Variants in SLC4A4 observed in about 807,000 individuals in gnomAD.
The protein encoded by SLC4A4 is electrogenic sodium bicarbonate cotransporter 1.
Under a neutral mutation model 111.5 loss-of-function variants are expected in SLC4A4, and 27 were observed. The ratio of observed to expected loss-of-function variants is 0.24; its 90% CI spans 0.18 to 0.33. The LOEUF is 0.33. Ranked by LOEUF, SLC4A4 falls within the 10% of genes least tolerant of loss-of-function variation. SLC4A4 has a pLI of 1.00. For missense variants in SLC4A4, 909 were observed against 1,315.5 expected, an observed-to-expected ratio of 0.69 and a Z score of 4.78; for synonymous variants, 443 against 463.4, an observed-to-expected ratio of 0.96 and a Z score of 0.57.
chr4:71,267,482 A>G (rs1417068508), intron 3 of SLC4A4, among the ~76,000 whole-genome samples: 5 of 152,216 alleles, frequency 3.3e-5, no homozygotes, highest in Admixed American at 3.3e-4. Flanking sequence ...ACACTGACCA[A>G]GTATGTGAGG....
At chr4:71,088,173 C>G (rs1742249460) in intron 1 of SLC4A4, among the ~76,000 whole-genome samples, 1 of 151,578 alleles carries the variant, frequency 6.6e-6, no homozygotes, top group South Asian at 2.1e-4. Flanking sequence ...CCTTCTTTGT[C>G]TCTTTTGATC....
intron 2 of SLC4A4, among the ~76,000 whole-genome samples, chr4:71,123,376 A>G (rs913290792): frequency 6.6e-6 from 1 of 152,138 alleles, no homozygotes; most frequent in Non-Finnish European, 1.5e-5. Flanking sequence ...ATGAAGAAAA[A>G]CTCAGCATTG....
intron 2 of SLC4A4, among the ~76,000 whole-genome samples, chr4:71,120,441 A>C (rs1743382168): frequency 1.3e-5 from 2 of 152,138 alleles, no homozygotes; most frequent in African/African-American, 4.8e-5. Context: ...CTTTGATTTT[A>C]TTCTCCTGGG....
At chr4:71,386,266 C>G (rs1412957695) in intron 6 of SLC4A4, among the ~76,000 whole-genome samples, 1 of 152,060 alleles carries the variant, frequency 6.6e-6, no homozygotes, top group Non-Finnish European at 1.5e-5. Flanking sequence ...AATGATTCAT[C>G]TGCATACAGG....
In SLC4A4 at chr4:71,521,564, T is replaced by C. The variant is rs188587682; in HGVS notation, c.2167-10498T>C. ...AAAATTTTAAGTCATATTTGGTGTA[T>C]GAGTCAAGATCCCAGCAGGAAGCAA... On this transcript the variant is annotated intron_variant, in intron 16 of 25. Coordinates refer to ENST00000264485, the MANE Select transcript of SLC4A4 (RefSeq NM_001098484.3). 2.9e-4 allele frequency among the ~76,000 whole-genome samples: 44 copies of C among 152,250 alleles called. 1 individual carries two copies. In the East Asian group the frequency reaches 8.1e-3, roughly 28 times the overall value.
At chr4:71,430,764 T>C (rs934822903) in intron 7 of SLC4A4, among the ~76,000 whole-genome samples, 5 of 152,130 alleles carry the variant, frequency 3.3e-5, no homozygotes, top group African/African-American at 1.2e-4. Flanking sequence ...GTGTGGACAG[T>C]CCTGTGCCCT....
intron 2 of SLC4A4, among the ~76,000 whole-genome samples, chr4:71,180,094 A>C (rs1745238890): frequency 6.6e-6 from 1 of 152,264 alleles, no homozygotes; most frequent in Non-Finnish European, 1.5e-5. Context: ...AAAAACAAGA[A>C]TGGGGAAAGG....
chr4:71,511,433 G>A (rs1479857035), intron 16 of SLC4A4, among the ~76,000 whole-genome samples: 1 of 151,728 alleles, frequency 6.6e-6, no homozygotes, highest in Admixed American at 6.6e-5. Context: ...TTGGAGATTT[G>A]TCTTTTATTT....
rs781186518 is a variant in SLC4A4, at chr4:71,472,850, A to T, written c.1783A>T (p.Ile595Phe). ...EEGFSSLISF[I>F]FIYDAFKKMI... ...GGGCTTTTCCTCTCTGATTAGCTTC[A>T]TCTTTATCTATGATGCTTTCAAGAA... The change falls in exon 14 of 26, where the codon ATC (isoleucine) becomes TTC (phenylalanine). Residue 595 changes from isoleucine (I) to phenylalanine (F), a missense_variant. Coordinates refer to ENST00000264485, the MANE Select transcript of SLC4A4 (RefSeq NM_001098484.3). 6.2e-6 allele frequency: 10 copies of T among 1,612,902 alleles called. No individual in the cohort carries two copies. In the Admixed American group the frequency reaches 1.3e-4, roughly 22 times the overall value.
chr4:71,500,201 A>T (rs1485876301), intron 16 of SLC4A4, among the ~76,000 whole-genome samples: 2 of 151,918 alleles, frequency 1.3e-5, no homozygotes, highest in African/African-American at 4.8e-5. Context: ...TTTTTCATTT[A>T]TCTTTTGGCC....
intron 7 of SLC4A4, among the ~76,000 whole-genome samples, chr4:71,424,144 A>G (rs1722844857): frequency 6.6e-6 from 1 of 152,150 alleles, no homozygotes; most frequent in South Asian, 2.1e-4. Flanking sequence ...CAAATTTACA[A>G]GAAAAAACAA....
At chr4:71,228,301 A>G (rs1719179578) in intron 1 of SLC4A4, among the ~76,000 whole-genome samples, 1 of 152,178 alleles carries the variant, frequency 6.6e-6, no homozygotes, top group South Asian at 2.1e-4. Context: ...ATGGAAAGGG[A>G]GAGTTTGATC....
chr4:71,070,446 AT>A (rs1459410024), intron 1 of SLC4A4, among the ~76,000 whole-genome samples: 2 of 152,174 alleles, frequency 1.3e-5, no homozygotes, highest in Non-Finnish European at 2.9e-5. Context: ...AGGCTTCTTG[AT>A]GAAAGCAATG....
At position 71,088,508 on chromosome 4, in the gene SLC4A4, T is replaced by G. The variant is rs1339325156; in HGVS notation, c.-64-4222T>G. 2.0e-5 allele frequency among the ~76,000 whole-genome samples: 3 copies of G among 152,228 alleles called. No homozygotes were observed. In the East Asian group the frequency reaches 5.8e-4, roughly 29 times the overall value. ...CAGTTTCTTCCTAGCCTTAATGGTCTTTACAATTTGGCATGTTTTTGCAGT... is the reference window on the plus strand; with the variant it reads ...CAGTTTCTTCCTAGCCTTAATGGTCGTTACAATTTGGCATGTTTTTGCAGT... On this transcript the variant is annotated intron_variant, in intron 1 of 26. Coordinates refer to the SLC4A4 transcript ENST00000649996.
chr4:71,371,706 T>C (rs1731900538), intron 6 of SLC4A4, among the ~76,000 whole-genome samples: 2 of 152,184 alleles, frequency 1.3e-5, no homozygotes, highest in Admixed American at 6.5e-5. Context: ...TTACCATATA[T>C]TGTCTTACGT....
At chr4:71,184,698 T>C (rs1179762083), upstream of SLC4A4, among the ~76,000 whole-genome samples, 1 of 152,160 alleles carries the variant, frequency 6.6e-6, no homozygotes, top group African/African-American at 2.4e-5. Flanking sequence ...TCAAGAGACA[T>C]GGCACAAGTT....
intron 1 of SLC4A4, among the ~76,000 whole-genome samples, chr4:71,064,744 G>A (rs1192813644): frequency 6.6e-6 from 1 of 152,156 alleles, no homozygotes; most frequent in Non-Finnish European, 1.5e-5. Flanking sequence ...GTGGTTCATG[G>A]ACATGGAACA....
chr4:71,071,888 G>A (rs1439017935), intron 1 of SLC4A4, among the ~76,000 whole-genome samples: 1 of 152,152 alleles, frequency 6.6e-6, no homozygotes, highest in East Asian at 1.9e-4. Context: ...GTCAATAGAT[G>A]TATGAAATAA....
At chr4:71,445,383 A>G (rs1725132688) in intron 8 of SLC4A4, among the ~76,000 whole-genome samples, 1 of 152,152 alleles carries the variant, frequency 6.6e-6, no homozygotes. Context: ...TAATTAACTC[A>G]TTATCAGTGT....
Sources: gnomAD v4.1 joint callset for allele counts (sites outside exome capture counted in the v4.1 genomes callset) on GRCh38, gnomAD v4.1.1 for gene constraint, MANE v1.5 for transcripts, NCBI Gene and HGNC (gene_info 2026-07-23, HGNC 2026-07-21) for gene names.